Variants in TOP6BL observed in about 807,000 individuals in gnomAD.
TOP6BL encodes TOP6B like initiator of meiotic double strand breaks.
At chr11:66,752,788 G>A in the TOP6BL span, among the ~76,000 whole-genome samples, 2 of 152,004 alleles carry the variant, frequency 1.3e-5, no homozygotes, top group African/African-American at 4.8e-5. Flanking sequence ...CTTTATCCTT[G>A]TATTAATTAC....
the TOP6BL span, among the ~76,000 whole-genome samples, chr11:66,816,800 A>G: frequency 1.3e-5 from 2 of 151,782 alleles, no homozygotes; most frequent in Non-Finnish European, 1.5e-5. Flanking sequence ...CTGTTCTCGA[A>G]CTCCTGGCTT....
the TOP6BL span, among the ~76,000 whole-genome samples, chr11:66,776,666 T>C: frequency 1.3e-5 from 2 of 152,140 alleles, no homozygotes; most frequent in Non-Finnish European, 2.9e-5. Context: ...TGCAATAGTT[T>C]TTATACCTGC....
At chr11:66,753,210 T>A in the TOP6BL span, among the ~76,000 whole-genome samples, 1 of 152,082 alleles carries the variant, frequency 6.6e-6, no homozygotes, top group Non-Finnish European at 1.5e-5. Flanking sequence ...TGAATGTGTG[T>A]GTATGCAGGC....
the TOP6BL span, among the ~76,000 whole-genome samples, chr11:66,749,179 G>T: frequency 4.6e-5 from 7 of 152,102 alleles, no homozygotes; most frequent in Non-Finnish European, 1.0e-4. Context: ...GGCTTTACAA[G>T]ACATTTGCTT....
chr11:66,747,520 C>T, the TOP6BL span, among the ~76,000 whole-genome samples: 1 of 150,982 alleles, frequency 6.6e-6, no homozygotes, highest in Non-Finnish European at 1.5e-5. Context: ...GTTGCACGTA[C>T]CTTATTTGTT....
the TOP6BL span, among the ~76,000 whole-genome samples, chr11:66,748,834 C>T: frequency 1.6e-4 from 23 of 145,768 alleles, no homozygotes; most frequent in African/African-American, 5.9e-4. Flanking sequence ...TGAGCTTTAC[C>T]TACTTTTTTT....
the TOP6BL span, among the ~76,000 whole-genome samples, chr11:66,829,585 A>AG: frequency 0.25 from 37,087 of 150,796 alleles, 4,616 homozygotes; most frequent in Middle Eastern, 0.33. Flanking sequence ...AAAAAAAAAA[A>AG]ACAAAACCAT....
chr11:66,838,978 G>A, the TOP6BL span, among the ~76,000 whole-genome samples: 1 of 152,330 alleles, frequency 6.6e-6, no homozygotes, highest in South Asian at 2.1e-4. Flanking sequence ...TGATCCGCCT[G>A]CCTTGGCCTC....
At chr11:66,793,010 A>C in the TOP6BL span, among the ~76,000 whole-genome samples, 1 of 152,190 alleles carries the variant, frequency 6.6e-6, no homozygotes, top group Non-Finnish European at 1.5e-5. Context: ...TTATTATTTA[A>C]TTACCACTGT....
chr11:66,807,778 C>A, the TOP6BL span, among the ~76,000 whole-genome samples: 3 of 152,102 alleles, frequency 2.0e-5, no homozygotes, highest in Non-Finnish European at 4.4e-5. Context: ...CAGTGCAGGA[C>A]AAGAAGGCCA....
At chr11:66,825,164 G>A in the TOP6BL span, among the ~76,000 whole-genome samples, 3 of 150,730 alleles carry the variant, frequency 2.0e-5, no homozygotes, top group African/African-American at 4.9e-5. Context: ...GTGCCCAGCC[G>A]GATTAGTGCC....
At chr11:66,810,868 A>T in the TOP6BL span, among the ~76,000 whole-genome samples, 1 of 147,430 alleles carries the variant, frequency 6.8e-6, no homozygotes, top group Admixed American at 6.7e-5. Flanking sequence ...AAAAATCTTT[A>T]AAAAACAAGT....
chr11:66,809,060 T>A, the TOP6BL span, among the ~76,000 whole-genome samples: 1 of 152,180 alleles, frequency 6.6e-6, no homozygotes, highest in Non-Finnish European at 1.5e-5. Flanking sequence ...TTCTCCTGCC[T>A]CAGCCTCCCA....
chr11:66,818,864 C>T, the TOP6BL span, among the ~76,000 whole-genome samples: 1 of 152,164 alleles, frequency 6.6e-6, no homozygotes, highest in Non-Finnish European at 1.5e-5. Flanking sequence ...TATTATCATT[C>T]CTGAACTACT....
the TOP6BL span, chr11:66,761,635 C>A: frequency 1.7e-6 from 2 of 1,211,296 alleles, no homozygotes; most frequent in South Asian, 1.3e-5. Context: ...CCTGGTGCTC[C>A]GGGGCTGTGC....
chr11:66,745,309 C>CG, the TOP6BL span, among the ~76,000 whole-genome samples: 3,468 of 11,688 alleles, frequency 0.3, 232 homozygotes, highest in Middle Eastern at 0.38. Context: ...CGTTGCGGGG[C>CG]GGGGTGGGGG....
the TOP6BL span, among the ~76,000 whole-genome samples, chr11:66,818,744 G>GA: frequency 6.6e-6 from 1 of 152,166 alleles, no homozygotes; most frequent in South Asian, 2.1e-4. Flanking sequence ...CCTTCTGGCA[G>GA]GCTTTTTTTA....
chr11:66,837,992 T>A, the TOP6BL span, among the ~76,000 whole-genome samples: 1 of 152,202 alleles, frequency 6.6e-6, no homozygotes, highest in Non-Finnish European at 1.5e-5. Flanking sequence ...TGTAAAGTGA[T>A]AAAGGCATGA....
the TOP6BL span, among the ~76,000 whole-genome samples, chr11:66,802,199 G>T: frequency 6.7e-6 from 1 of 150,086 alleles, no homozygotes; most frequent in African/African-American, 2.5e-5. Context: ...TCGCTCTTTC[G>T]CCCAGGCTGG....
Sources: allele counts gnomAD v4.1 joint callset (sites outside exome capture counted in the v4.1 genomes callset), GRCh38; gene constraint gnomAD v4.1.1; transcripts MANE v1.5; gene names NCBI Gene and HGNC (gene_info 2026-07-23, HGNC 2026-07-21).